The following GRIP1 variants were observed in gnomAD, a reference collection of about 807,000 sequenced individuals.
The protein encoded by GRIP1 is glutamate receptor interacting protein 1, also known as glutamate receptor-interacting protein 1.
In GRIP1, 45 loss-of-function variants were observed where a neutral mutation model predicts 129.9. The ratio of observed to expected loss-of-function variants is 0.35; its 90% CI spans 0.27 to 0.44. The LOEUF is 0.44. Among genes scored for constraint, GRIP1 ranks in the 20% least tolerant of loss-of-function variants. The pLI, the probability that GRIP1 is intolerant of heterozygous loss-of-function variation, is 1.00. For missense variants in GRIP1, 1,196 were observed against 1,396.8 expected, an observed-to-expected ratio of 0.86 and a Z score of 2.29; for synonymous variants, 530 against 520.8, an observed-to-expected ratio of 1.02 and a Z score of -0.24.
At chr12:66,544,885 A>C (rs1366447142) in intron 2 of GRIP1, among the ~76,000 whole-genome samples, 1 of 152,182 alleles carries the variant, frequency 6.6e-6, no homozygotes, top group Non-Finnish European at 1.5e-5. Flanking sequence ...AGACAGAAGA[A>C]ATGAAGACAG....
chr12:66,358,689 G>A (rs1240031868), intron 23 of GRIP1, among the ~76,000 whole-genome samples: 3 of 151,934 alleles, frequency 2.0e-5, no homozygotes, highest in African/African-American at 4.8e-5. Flanking sequence ...CCTAAAATGA[G>A]CTCCTGACCT....
intron 14 of GRIP1, among the ~76,000 whole-genome samples, chr12:66,424,233 A>C (rs558969614): frequency 1.3e-4 from 20 of 152,212 alleles, no homozygotes; most frequent in Non-Finnish European, 2.8e-4. Flanking sequence ...TGCAATATTA[A>C]GATTTTTCAT....
intron 11 of GRIP1, among the ~76,000 whole-genome samples, chr12:66,452,245 GAA>G (rs1463032267): frequency 6.6e-6 from 1 of 152,190 alleles, no homozygotes; most frequent in African/African-American, 2.4e-5. Context: ...CTCTTTGGCA[GAA>G]AAAGAGGCAG....
chr12:67,040,135 T>C (rs2043154057), intron 1 of GRIP1, among the ~76,000 whole-genome samples: 1 of 152,130 alleles, frequency 6.6e-6, no homozygotes. Flanking sequence ...CTATGCCTTT[T>C]TCACCTACTT....
intron 1 of GRIP1, among the ~76,000 whole-genome samples, chr12:66,686,344 A>G (rs964300145): frequency 6.6e-6 from 1 of 152,232 alleles, no homozygotes; most frequent in Admixed American, 6.5e-5. Flanking sequence ...TGCTAAAATT[A>G]AAAATTTGTC....
At chr12:66,831,980 C>A (rs751222044) in intron 1 of GRIP1, among the ~76,000 whole-genome samples, 2 of 152,072 alleles carry the variant, frequency 1.3e-5, no homozygotes, top group Non-Finnish European at 2.9e-5. Context: ...TTAGACTTTC[C>A]TCAATCATTC....
intron 1 of GRIP1, among the ~76,000 whole-genome samples, chr12:66,750,021 A>G (rs1429512795): frequency 6.6e-6 from 1 of 152,178 alleles, no homozygotes; most frequent in Non-Finnish European, 1.5e-5. Context: ...TGCCTCCCCA[A>G]AGTCAACCCC....
intron 1 of GRIP1, among the ~76,000 whole-genome samples, chr12:66,993,292 C>A (rs2042421408): frequency 1.3e-5 from 2 of 151,750 alleles, no homozygotes; most frequent in Non-Finnish European, 2.9e-5. Context: ...TACTTTAAGA[C>A]ACTGGAAAAA....
intron 1 of GRIP1, among the ~76,000 whole-genome samples, chr12:66,980,263 G>A (rs1031669470): frequency 1.1e-4 from 16 of 152,152 alleles, no homozygotes; most frequent in Admixed American, 2.0e-4. Flanking sequence ...ACTTCAAACA[G>A]CAATGACAGC....
intron 7 of GRIP1, among the ~76,000 whole-genome samples, chr12:66,482,529 T>A (rs2059835191): frequency 1.3e-5 from 2 of 152,174 alleles, no homozygotes; most frequent in African/African-American, 4.8e-5. Context: ...TTCTGGCAAT[T>A]GTTTTCCATA....
chr12:66,829,658 A>G (rs1324765477), intron 1 of GRIP1, among the ~76,000 whole-genome samples: 1 of 152,194 alleles, frequency 6.6e-6, no homozygotes, highest in South Asian at 2.1e-4. Flanking sequence ...AGAAAAAAAT[A>G]TCTTTGTAGT....
At chr12:66,938,510 A>G (rs762114645) in intron 1 of GRIP1, among the ~76,000 whole-genome samples, 3 of 152,224 alleles carry the variant, frequency 2.0e-5, no homozygotes, top group Non-Finnish European at 2.9e-5. Context: ...GGAGGCCAGA[A>G]TTATATTTCT....
chr12:67,056,189 C>G (rs1034717567), intron 1 of GRIP1, among the ~76,000 whole-genome samples: 1 of 152,130 alleles, frequency 6.6e-6, no homozygotes, highest in Non-Finnish European at 1.5e-5. Flanking sequence ...TTTTAAGAAC[C>G]ATTTCATTTT....
chr12:66,490,731 T>C (rs965923385), intron 7 of GRIP1, among the ~76,000 whole-genome samples: 1 of 152,100 alleles, frequency 6.6e-6, no homozygotes, highest in South Asian at 2.1e-4. Context: ...AAAGGTCTAA[T>C]ATCCAAAATC....
At chr12:66,583,861 G>C (rs1295317824) in intron 2 of GRIP1, among the ~76,000 whole-genome samples, 2 of 134,500 alleles carry the variant, frequency 1.5e-5, no homozygotes, top group Non-Finnish European at 3.3e-5. Context: ...GATTCCTCAG[G>C]GATCTAGAAC....
At chr12:66,406,176 T>TGCCA in intron 16 of GRIP1, 107 bp downstream of exon 16, 1 of 1,094,566 alleles carries the variant, frequency 9.1e-7, no homozygotes, top group Non-Finnish European at 1.4e-6. Context: ...GAAACACTGC[T>TGCCA]GCCACATCAC....
At chr12:66,420,936 A>G (rs556158361) in intron 14 of GRIP1, 147 bp from the exon 15 acceptor site, 1 of 608,104 alleles carries the variant, frequency 1.6e-6, no homozygotes, top group Non-Finnish European at 3.0e-6. Context: ...AAGTATGCAC[A>G]TTATGTCTTT....
chr12:66,926,840 T>C (rs981587629), intron 1 of GRIP1, among the ~76,000 whole-genome samples: 2 of 152,150 alleles, frequency 1.3e-5, no homozygotes, highest in African/African-American at 4.8e-5. Context: ...AAAGCACTAA[T>C]AATATCACAA....
intron 1 of GRIP1, among the ~76,000 whole-genome samples, chr12:66,875,277 T>G (rs1363491468): frequency 2.0e-5 from 3 of 152,072 alleles, no homozygotes; most frequent in African/African-American, 7.2e-5. Context: ...GTTCACATCC[T>G]GCACTGCCAT....
Sources: gnomAD v4.1 joint callset for allele counts (sites outside exome capture counted in the v4.1 genomes callset) on GRCh38, gnomAD v4.1.1 for gene constraint, MANE v1.5 for transcripts, NCBI Gene and HGNC (gene_info 2026-07-23, HGNC 2026-07-21) for gene names.